FAM72A: variants seen among roughly 807,000 people sequenced by gnomAD.
FAM72A encodes regulator of UNG2 and MKLN1 interacting yippee protein 1.
A neutral mutation model predicts 11.3 loss-of-function variants in FAM72A; 1 was observed. The ratio of observed to expected loss-of-function variants is 0.09; its 90% CI spans 0.03 to 0.42. The LOEUF is 0.42. FAM72A is among the 10% of genes least tolerant of loss of function. The pLI is 0.98. For synonymous variants in FAM72A, 5 were observed against 46.9 expected (o/e 0.11, Z 3.65); for missense variants, 15 against 135.5 (o/e 0.11, Z 4.41).
In FAM72A at chr1:206,187,141, C is replaced by T. The variant is rs1356281300; in HGVS notation, c.*138G>A. On this transcript the variant is annotated 3_prime_UTR_variant, in exon 4 of 4. Transcript: ENST00000367128. Reference sequence around the variant, plus strand: ...TCAAACTGAGGTAACTAATTAGAGACGGAAAATAAATAAATCAACAAATGC... The same window carrying T: ...TCAAACTGAGGTAACTAATTAGAGATGGAAAATAAATAAATCAACAAATGC... 46 of 1,098,678 alleles carry T rather than the reference C, an allele frequency of 4.2e-5. 1 individual carries two copies. Among genetic ancestry groups the T allele is most frequent in the East Asian group, 2.5e-4 (9 of 36,534 alleles). The allele number at this position is 1,098,678 out of a possible 1,614,324, so 68.1% of individuals were successfully genotyped here.
chr1:206,198,720 G>T (rs1254189341), intron 2 of FAM72A, among the ~76,000 whole-genome samples: 1 of 150,052 alleles, frequency 6.7e-6, no homozygotes, highest in East Asian at 2.0e-4. Context: ...ATTCATATTT[G>T]CTCTTTATAA....
upstream of FAM72A, chr1:206,203,233 C>G (rs1294342616): frequency 8.0e-6 from 3 of 376,460 alleles, no homozygotes; most frequent in Non-Finnish European, 1.4e-5. Context: ...CTCCTCTCTA[C>G]CCCGGCCCAA....
At position 206,187,342 on chromosome 1, in the gene FAM72A, T is replaced by C. The variant is rs1664580902; in HGVS notation, c.387A>G (p.Pro129=). The change falls in exon 4 of 4, where the codon CCA becomes CCG. Residue 129 remains proline (P), a synonymous_variant. Transcript: ENST00000367128. ...CTTCATCTGTACTCTCTTCTATCTC[T>C]GGCAAGTTGCCCCAAAGTAGGACGT... ...GVNVLLWGNL[P]EIEESTDEDV... 1 of 1,611,492 alleles carries C rather than the reference T, an allele frequency of 6.2e-7. No individual in the cohort carries two copies. Among genetic ancestry groups the C allele is most frequent in the Admixed American group, 1.7e-5 (1 of 59,956 alleles).
upstream of FAM72A, chr1:206,203,318 G>A (rs1359167042): frequency 7.5e-6 from 3 of 398,042 alleles, no homozygotes; most frequent in African/African-American, 2.1e-5. Context: ...GTTCTACTTA[G>A]GGGTTCAACA....
chr1:206,203,135 G>A (rs1665478245), upstream of FAM72A: 1 of 196,008 alleles, frequency 5.1e-6, no homozygotes, highest in African/African-American at 2.3e-5. Flanking sequence ...AAAGTGGCAA[G>A]GCACGCCCTT....
chr1:206,205,152 A>C (rs1240164211), upstream of FAM72A: 1 of 152,176 alleles, frequency 6.6e-6, no homozygotes, highest in Non-Finnish European at 1.5e-5. Flanking sequence ...GAGGCCGCCG[A>C]GGTGCCGCAG....
upstream of FAM72A, chr1:206,205,022 C>T (rs1323570328): frequency 2.0e-5 from 3 of 152,038 alleles, no homozygotes; most frequent in African/African-American, 4.8e-5. Flanking sequence ...TATCCCTCCC[C>T]GGCTTTGATC....
intron 2 of FAM72A, among the ~76,000 whole-genome samples, chr1:206,198,363 TAA>T (rs1178799039): frequency 1.1e-4 from 16 of 140,964 alleles, no homozygotes; most frequent in Non-Finnish European, 1.4e-4. Flanking sequence ...AACTCCGTCT[TAA>T]AAAAAAAAAA....
In FAM72A at chr1:206,197,949, G is replaced by A. The variant is rs1238063409; in HGVS notation, c.230+1858C>T. Among the ~76,000 whole-genome samples the A allele has an allele frequency of 6.1e-5, 9 of 146,882 alleles. 1 individual carries two copies. The highest frequency in any genetic ancestry group is 2.7e-4 in the Admixed American group (4 of 14,782). ...AAAAAAAATGTCGTTGCCCAGGTGC[G>A]GTGGCTCACACCTGTAATCTCACAC... On this transcript the variant is annotated intron_variant, in intron 2 of 3. Transcript: ENST00000367128.
At chr1:206,203,222 C>T (rs1204992657), upstream of FAM72A, 1 of 361,982 alleles carries the variant, frequency 2.8e-6, no homozygotes, top group African/African-American at 2.1e-5. Flanking sequence ...CCGCAACACC[C>T]CTCCTCTCTA....
intron 3 of FAM72A, among the ~76,000 whole-genome samples, chr1:206,191,724 A>ATTT (rs1190560887): frequency 1.3e-3 from 135 of 103,494 alleles, no homozygotes; most frequent in Non-Finnish European, 2.0e-3. Context: ...CTAAAATATT[A>ATTT]TTTTTTTTTT....
intron 3 of FAM72A, among the ~76,000 whole-genome samples, chr1:206,190,544 C>A (rs1186204314): frequency 6.8e-6 from 1 of 147,612 alleles, no homozygotes; most frequent in African/African-American, 2.6e-5. Context: ...CATTTAGGAA[C>A]CTAAGAATGC....
chr1:206,187,400 T>A, intron 3 of FAM72A, 27 bp from the exon 4 acceptor site: 3 of 1,609,952 alleles, frequency 1.9e-6, no homozygotes, highest in Non-Finnish European at 1.7e-6. Context: ...ATAAAATTCT[T>A]TAATGCTTAC....
At chr1:206,195,662 TA>T in intron 3 of FAM72A, 89 bp downstream of exon 3, 3 of 1,258,850 alleles carry the variant, frequency 2.4e-6, no homozygotes, top group Non-Finnish European at 3.3e-6. Context: ...TAAGAAGATC[TA>T]AAAGGAATCC....
intron 3 of FAM72A, among the ~76,000 whole-genome samples, chr1:206,190,871 C>CAA (rs545469020): frequency 2.8e-5 from 3 of 105,412 alleles, no homozygotes; most frequent in South Asian, 2.9e-4. Flanking sequence ...ACCCTGTCTC[C>CAA]AAAAAAAAAA....
upstream of FAM72A, chr1:206,204,194 G>A (rs2102412518): frequency 2.1e-6 from 1 of 470,128 alleles, no homozygotes; most frequent in Non-Finnish European, 3.8e-6. Flanking sequence ...CACAGTTCCT[G>A]ACATCCTTGC....
At chr1:206,191,586 T>A (rs1186348081) in intron 3 of FAM72A, among the ~76,000 whole-genome samples, 1 of 145,056 alleles carries the variant, frequency 6.9e-6, no homozygotes, top group Non-Finnish European at 1.5e-5. Flanking sequence ...CACATCAGCC[T>A]GGGAAACAAG....
chr1:206,191,714 C>T (rs1423859292), intron 3 of FAM72A, among the ~76,000 whole-genome samples: 1 of 137,108 alleles, frequency 7.3e-6, no homozygotes, highest in Non-Finnish European at 1.5e-5. Context: ...TACTTTCTTA[C>T]TAAAATATTA....
At chr1:206,191,230 G>A (rs1481257091) in intron 3 of FAM72A, among the ~76,000 whole-genome samples, 10 of 105,250 alleles carry the variant, frequency 9.5e-5, no homozygotes, top group Middle Eastern at 3.6e-3. Context: ...GAACCCGGGA[G>A]GTGGAGGTTG....
Sources: gnomAD v4.1 joint callset for allele counts (sites outside exome capture counted in the v4.1 genomes callset) on GRCh38, gnomAD v4.1.1 for gene constraint, MANE v1.5 for transcripts, NCBI Gene and HGNC (gene_info 2026-07-23, HGNC 2026-07-21) for gene names.